Variants in LHFPL3 observed in about 807,000 individuals in gnomAD.
LHFPL3 encodes LHFPL tetraspan subfamily member 3 protein.
A neutral mutation model predicts 19.3 loss-of-function variants in LHFPL3; 5 were observed. That is an observed-to-expected ratio of 0.26 (90% CI 0.14 to 0.54). The LOEUF (loss-of-function observed/expected upper bound fraction) is 0.54. Ranked by LOEUF, LHFPL3 falls within the 20% of genes least tolerant of loss-of-function variation. The pLI, the probability that LHFPL3 is intolerant of heterozygous loss-of-function variation, is 0.94. For synonymous variants in LHFPL3, 133 were observed against 126.2 expected (o/e 1.05, Z -0.36); for missense variants, 249 against 307.4 (o/e 0.81, Z 1.42).
At chr7:104,400,052 C>T (rs1225083436) in intron 1 of LHFPL3, among the ~76,000 whole-genome samples, 2 of 124,046 alleles carry the variant, frequency 1.6e-5, no homozygotes, top group African/African-American at 6.2e-5. Flanking sequence ...TACAGTGAGC[C>T]GAGATTACAC....
At chr7:104,504,043 T>C (rs997821555) in intron 1 of LHFPL3, among the ~76,000 whole-genome samples, 3 of 152,222 alleles carry the variant, frequency 2.0e-5, no homozygotes, top group Non-Finnish European at 4.4e-5. Context: ...AGTAGTCAAG[T>C]CACCTGTTTT....
rs185522639 is a variant in LHFPL3, at chr7:104,804,516, A to G, written c.682+67605A>G. ...GGCAAGACTTTGTAACATGCTTTTA[A>G]CCAATAGAATATGTCAAAAGGGATG... On this transcript the variant is annotated intron_variant, in intron 2 of 2. Transcript: ENST00000424859. Among the ~76,000 whole-genome samples the G allele has an allele frequency of 2.9e-4, 44 of 152,300 alleles. No individual in the cohort carries two copies. The East Asian group carries it at 8.3e-3, about 29-fold the overall frequency.
At chr7:104,758,281 T>G (rs993687929) in intron 2 of LHFPL3, among the ~76,000 whole-genome samples, 1 of 152,166 alleles carries the variant, frequency 6.6e-6, no homozygotes, top group Non-Finnish European at 1.5e-5. Context: ...GTAGGGATCA[T>G]TTGTTCCCCA....
chr7:104,898,374 A>G (rs1792409183), intron 2 of LHFPL3, among the ~76,000 whole-genome samples: 1 of 152,164 alleles, frequency 6.6e-6, no homozygotes, highest in Admixed American at 6.6e-5. Context: ...CACAGTAACT[A>G]GTCCTCAAGT....
intron 1 of LHFPL3, among the ~76,000 whole-genome samples, chr7:104,701,126 ATTCGGG>A (rs1793092206): frequency 1.3e-5 from 2 of 152,192 alleles, no homozygotes; most frequent in Admixed American, 6.5e-5. Context: ...CAGGTATAAA[ATTCGGG>A]AATGAAAATC....
At chr7:104,824,329 ATAT>A (rs1462474188) in intron 2 of LHFPL3, among the ~76,000 whole-genome samples, 2 of 38,412 alleles carry the variant, frequency 5.2e-5, no homozygotes, top group East Asian at 2.4e-3. Context: ...ATTATTTTAT[ATAT>A]AATATATATA....
At chr7:104,883,096 A>T (rs1294157358) in intron 2 of LHFPL3, among the ~76,000 whole-genome samples, 2 of 152,234 alleles carry the variant, frequency 1.3e-5, no homozygotes, top group African/African-American at 4.8e-5. Flanking sequence ...TGATGATCCA[A>T]TTTATTCAGA....
intron 2 of LHFPL3, among the ~76,000 whole-genome samples, chr7:104,891,018 T>C (rs1562827340): frequency 6.6e-6 from 1 of 152,006 alleles, no homozygotes; most frequent in Non-Finnish European, 1.5e-5. Context: ...TCTACCATTA[T>C]GACACAACTG....
chr7:104,605,392 A>T (rs980759819), intron 1 of LHFPL3, among the ~76,000 whole-genome samples: 14 of 152,242 alleles, frequency 9.2e-5, no homozygotes, highest in African/African-American at 3.1e-4. Flanking sequence ...TGACAGTGAT[A>T]GACAGGTATA....
At chr7:104,603,066 T>C (rs866472301) in intron 1 of LHFPL3, among the ~76,000 whole-genome samples, 5 of 108,900 alleles carry the variant, frequency 4.6e-5, no homozygotes, top group Admixed American at 1.0e-4. Context: ...CTTTCTTTCT[T>C]TTTCTTTCTT....
intron 1 of LHFPL3, among the ~76,000 whole-genome samples, chr7:104,494,463 A>G (rs1793417690): frequency 6.6e-6 from 1 of 152,040 alleles, no homozygotes; most frequent in Non-Finnish European, 1.5e-5. Flanking sequence ...CCTTTTGCTG[A>G]GATCTCTCCT....
intron 1 of LHFPL3, among the ~76,000 whole-genome samples, chr7:104,695,645 T>C (rs913367843): frequency 1.3e-5 from 2 of 152,144 alleles, no homozygotes; most frequent in Non-Finnish European, 2.9e-5. Context: ...GTGAGGTCCA[T>C]GCAGATGAAA....
intron 1 of LHFPL3, among the ~76,000 whole-genome samples, chr7:104,421,663 T>C (rs1791735594): frequency 6.6e-6 from 1 of 152,112 alleles, no homozygotes; most frequent in Non-Finnish European, 1.5e-5. Flanking sequence ...AAAGATAAGA[T>C]AGATCTCCGC....
rs533658388 is a variant in LHFPL3, at chr7:104,725,907, C to T, written c.446-10768C>T. Among the ~76,000 whole-genome samples, 27 of 152,002 alleles carry T rather than the reference C, an allele frequency of 1.8e-4. No homozygotes were observed. In the South Asian group the frequency reaches 5.0e-3, roughly 28 times the overall value. On this transcript the variant is annotated intron_variant, in intron 1 of 2. Coordinates refer to ENST00000424859, the MANE Select transcript of LHFPL3 (RefSeq NM_199000.3). Reference sequence around the variant, plus strand: ...CTCTACTAAAAATACAAAAAATTAGCCAGGCATGGTGGCATGTGCCTGTAA... The same window carrying T: ...CTCTACTAAAAATACAAAAAATTAGTCAGGCATGGTGGCATGTGCCTGTAA...
In LHFPL3 at chr7:104,751,754, G is replaced by C. The variant is rs534962370; in HGVS notation, c.682+14843G>C. 1.6e-4 allele frequency among the ~76,000 whole-genome samples: 24 copies of C among 152,232 alleles called. No individual in the cohort carries two copies. In the East Asian group the frequency reaches 4.6e-3, roughly 29 times the overall value. On this transcript the variant is annotated intron_variant, in intron 2 of 2. Coordinates refer to ENST00000424859, the MANE Select transcript of LHFPL3 (RefSeq NM_199000.3). Reference sequence around the variant, plus strand: ...ATCTTTTAGCATTTTTATCGAAAAAGACTTGTATCTGGCCTCAACTGTGAG... The same window carrying C: ...ATCTTTTAGCATTTTTATCGAAAAACACTTGTATCTGGCCTCAACTGTGAG...
chr7:104,590,685 A>C lies in LHFPL3; in HGVS notation c.446-145990A>C, dbSNP rs990026303. Among the ~76,000 whole-genome samples, 9 of 152,216 alleles carry C rather than the reference A, an allele frequency of 5.9e-5. No individual in the cohort carries two copies. The South Asian group carries it at 1.2e-3, about 21-fold the overall frequency. On this transcript the variant is annotated intron_variant, in intron 1 of 2. Coordinates refer to ENST00000424859, the MANE Select transcript of LHFPL3 (RefSeq NM_199000.3). ...GATATCCCTGTTAACTTTCTGTCTC[A>C]TTGATCTGTCTAATGTTGACAGTGG...
At chr7:104,496,103 A>G (rs1164044614) in intron 1 of LHFPL3, among the ~76,000 whole-genome samples, 1 of 152,050 alleles carries the variant, frequency 6.6e-6, no homozygotes, top group African/African-American at 2.4e-5. Context: ...ATATCTCCTA[A>G]TGCTATCCCT....
At chr7:104,544,383 G>A (rs1002558335) in intron 1 of LHFPL3, among the ~76,000 whole-genome samples, 1 of 152,172 alleles carries the variant, frequency 6.6e-6, no homozygotes, top group African/African-American at 2.4e-5. Context: ...GTAACAAGTG[G>A]TGATTAGGCA....
intron 2 of LHFPL3, among the ~76,000 whole-genome samples, chr7:104,813,993 T>C (rs931566022): frequency 6.6e-5 from 10 of 152,184 alleles, no homozygotes; most frequent in Admixed American, 3.3e-4. Context: ...ATTCAGTGGG[T>C]CCCAAGTTCT....
Sources: allele counts gnomAD v4.1 joint callset (sites outside exome capture counted in the v4.1 genomes callset), GRCh38; gene constraint gnomAD v4.1.1; transcripts MANE v1.5; gene names NCBI Gene and HGNC (gene_info 2026-07-23, HGNC 2026-07-21).